The following WDFY4 variants were observed in gnomAD, a reference collection of about 807,000 sequenced individuals.
The protein encoded by WDFY4 is WDFY family member 4, also known as WD repeat- and FYVE domain-containing protein 4.
Under a neutral mutation model 351.9 loss-of-function variants are expected in WDFY4, and 169 were observed. The ratio of observed to expected loss-of-function variants is 0.48; its 90% confidence interval spans 0.42 to 0.55. The LOEUF (loss-of-function observed/expected upper bound fraction) is 0.55. Ranked by LOEUF, WDFY4 falls within the 20% of genes least tolerant of loss-of-function variation. WDFY4 has a pLI of 0.00. For missense variants in WDFY4, 3,803 were observed against 3,935.6 expected (o/e 0.97, Z 0.90); for synonymous variants, 1,622 against 1,574.6 (o/e 1.03, Z -0.71).
intron 1 of WDFY4, among the ~76,000 whole-genome samples, chr10:48,707,366 C>T (rs1391325314): frequency 6.6e-6 from 1 of 152,130 alleles, no homozygotes; most frequent in Non-Finnish European, 1.5e-5. Context: ...GTTTGTGGAA[C>T]TTAGTTGAAC....
chr10:48,928,384 G>C (rs1470829304), intron 47 of WDFY4, among the ~76,000 whole-genome samples: 1 of 151,614 alleles, frequency 6.6e-6, no homozygotes, highest in African/African-American at 2.4e-5. Context: ...GTGTGTGTGT[G>C]TGTGTGTGTG....
chr10:48,759,730 T>A (rs554570822), intron 12 of WDFY4, among the ~76,000 whole-genome samples: 1 of 152,176 alleles, frequency 6.6e-6, no homozygotes, highest in Non-Finnish European at 1.5e-5. Context: ...TGTCTACACC[T>A]TGTGCACAGT....
chr10:48,839,812 G>A (rs2068534392), intron 39 of WDFY4, among the ~76,000 whole-genome samples: 1 of 152,212 alleles, frequency 6.6e-6, no homozygotes, highest in Non-Finnish European at 1.5e-5. Flanking sequence ...ACTCAGAAAG[G>A]AAAGTATAAT....
intron 1 of WDFY4, among the ~76,000 whole-genome samples, chr10:48,693,945 T>C (rs1199145490): frequency 6.6e-6 from 1 of 152,218 alleles, no homozygotes; most frequent in East Asian, 1.9e-4. Context: ...CACTTTTTTG[T>C]GCTTTGATGA....
chr10:48,782,875 G>A (rs967094103), intron 19 of WDFY4, among the ~76,000 whole-genome samples: 1 of 152,172 alleles, frequency 6.6e-6, no homozygotes, highest in Non-Finnish European at 1.5e-5. Flanking sequence ...CCTGAATGGG[G>A]CAGTGTGCAT....
At position 48,850,436 on chromosome 10, in the gene WDFY4, A is replaced by G. The variant is rs141520446; in HGVS notation, c.6664-16829A>G. On this transcript the variant is annotated intron_variant, in intron 39 of 61. Coordinates refer to ENST00000325239, the MANE Select transcript of WDFY4 (RefSeq NM_001394531.1). ...ATTAAGTTACTTATCTTTTTGTTCA[A>G]ATGGTTCCAGCTTTTTTCTCATAGT... Among the ~76,000 whole-genome samples the G allele has an allele frequency of 2.6e-3, 400 of 152,118 alleles. 2 individuals carry two copies. Among genetic ancestry groups the G allele is most frequent in the African/African-American group, 9.2e-3 (380 of 41,504 alleles).
intron 49 of WDFY4, among the ~76,000 whole-genome samples, chr10:48,945,494 G>A (rs1218941267): frequency 6.6e-6 from 1 of 152,188 alleles, no homozygotes; most frequent in Non-Finnish European, 1.5e-5. Flanking sequence ...GTTTCCCAGA[G>A]CACCTGGCCC....
intron 47 of WDFY4, among the ~76,000 whole-genome samples, chr10:48,916,382 G>GTTTT (rs1486425839): frequency 6.6e-6 from 1 of 152,154 alleles, no homozygotes; most frequent in Non-Finnish European, 1.5e-5. Flanking sequence ...TTGTTTGTTT[G>GTTTT]TTTGTTTGCT....
chr10:48,710,525 T>C (rs1255498958), intron 2 of WDFY4, among the ~76,000 whole-genome samples: 4 of 152,174 alleles, frequency 2.6e-5, no homozygotes, highest in African/African-American at 9.7e-5. Flanking sequence ...ATACTGTCTC[T>C]TTAGTTAAAA....
intron 44 of WDFY4, among the ~76,000 whole-genome samples, chr10:48,893,210 T>C (rs1564456049): frequency 6.6e-6 from 1 of 152,232 alleles, no homozygotes; most frequent in African/African-American, 2.4e-5. Context: ...ATCTTCCCTC[T>C]GTGTGTCTAT....
intron 1 of WDFY4, among the ~76,000 whole-genome samples, chr10:48,700,669 C>T (rs2063454685): frequency 1.3e-5 from 2 of 152,236 alleles, no homozygotes; most frequent in Non-Finnish European, 2.9e-5. Context: ...CATCTCATCT[C>T]CACCTGGGGG....
At chr10:48,775,679 T>C in intron 14 of WDFY4, 33 bp from the exon 15 acceptor site, 1 of 1,534,424 alleles carries the variant, frequency 6.5e-7, no homozygotes, top group Non-Finnish European at 8.8e-7. Context: ...TAGTAAAATG[T>C]CTTCATTTTT....
intron 35 of WDFY4, among the ~76,000 whole-genome samples, chr10:48,824,547 C>T (rs11101519): frequency 0.19 from 29,193 of 152,078 alleles, 3,759 homozygotes; most frequent in African/African-American, 0.36. Flanking sequence ...CACAAATTTT[C>T]ACCCAAATTC....
At chr10:48,897,389 G>A in intron 44 of WDFY4, 65 bp from the exon 45 acceptor site, 3 of 1,523,800 alleles carry the variant, frequency 2.0e-6, no homozygotes, top group South Asian at 1.2e-5. Context: ...GGAAGAAGAA[G>A]AAGCCTGCAC....
intron 43 of WDFY4, among the ~76,000 whole-genome samples, chr10:48,883,200 C>T (rs2070322743): frequency 6.6e-6 from 1 of 152,206 alleles, no homozygotes; most frequent in Admixed American, 6.5e-5. Context: ...GCCTGGGATG[C>T]AACATGCCAA....
chr10:48,873,627 G>T lies in WDFY4; in HGVS notation c.6878G>T (p.Gly2293Val). The T allele has an allele frequency of 6.4e-7, 1 of 1,551,816 alleles. No homozygotes were observed. Among genetic ancestry groups the T allele is most frequent in the African/African-American group, 1.4e-5 (1 of 73,172 alleles). ...CCATGGGAACTCGACTGGAGAGAAG[G>T]ACCAGCTCGAATGAGGAAACGCATC... ...CSPWELDWRE[G>V]PARMRKRIKR... The change falls in exon 41 of 62, where the codon GGA (glycine) becomes GTA (valine). Residue 2293 changes from glycine (G) to valine (V), a missense_variant. This residue lies in a region of WDFY4 where 3,054 missense variants were observed against 3,148.6 expected (regional missense o/e 0.97). Transcript: ENST00000325239.
At chr10:48,823,181 G>A in intron 35 of WDFY4, 3 of 1,289,624 alleles carry the variant, frequency 2.3e-6, no homozygotes, top group Non-Finnish European at 3.0e-6. Context: ...TTTTTTTTTA[G>A]ATCTCAGCCC....
intron 24 of WDFY4, chr10:48,801,403 T>C: frequency 9.5e-6 from 4 of 422,126 alleles, no homozygotes; most frequent in Non-Finnish European, 1.9e-5. Context: ...CTGACTTTCT[T>C]AGTTCTCTCA....
rs1271370183 is a variant in WDFY4 at position 48,974,517 on chromosome 10, A to AC, written c.8929-345_8929-344insC. On this transcript the variant is annotated intron_variant, in intron 57 of 61. Transcript: ENST00000325239. ...GACTCCGTCTCAAAAAAAAAAAAAA[A>AC]AAAAAAAAAAAACAACTCATGACAT... Among the ~76,000 whole-genome samples the AC allele has an allele frequency of 1.1e-3, 27 of 24,734 alleles. 3 individuals carry two copies. Among genetic ancestry groups the AC allele is most frequent in the South Asian group, 1.7e-3 (1 of 576 alleles). The allele number at this position is 24,734 out of a possible 152,430, so 16.2% of individuals were successfully genotyped here. A position where few individuals can be genotyped will look rare whatever the true frequency, so the allele number is the denominator to read the frequency against.
Sources: gnomAD v4.1 joint callset for allele counts (sites outside exome capture counted in the v4.1 genomes callset) on GRCh38, gnomAD v4.1.1 for gene constraint, gnomAD v4.1.1 regional missense constraint, MANE v1.5 for transcripts, NCBI Gene and HGNC (gene_info 2026-07-23, HGNC 2026-07-21) for gene names.